The following LAMA2 variants were observed in gnomAD, a reference collection of about 807,000 sequenced individuals.
LAMA2 encodes the protein laminin subunit alpha 2.
Under a neutral mutation model 364.8 loss-of-function variants are expected in LAMA2, and 269 were observed. That is an observed-to-expected ratio of 0.74 (90% CI 0.67 to 0.82). LAMA2 has a LOEUF of 0.82. Among genes scored for constraint, LAMA2 ranks in the 40% least tolerant of loss-of-function variants. The pLI is 0.00. For synonymous variants in LAMA2, 1,379 were observed against 1,370.6 expected, an observed-to-expected ratio of 1.01 and a Z score of -0.14; for missense variants, 3,807 against 3,873.2, an observed-to-expected ratio of 0.98 and a Z score of 0.45.
At position 129,221,795 on chromosome 6, in the gene LAMA2, A is replaced by T. The variant is rs139063403; in HGVS notation, c.1783-28317A>T. Among the ~76,000 whole-genome samples, 20 of 152,328 alleles carry T rather than the reference A, an allele frequency of 1.3e-4. No individual in the cohort carries two copies. In the East Asian group the frequency reaches 3.9e-3, roughly 29 times the overall value. ...CCCAGATAAACACATAAAAGTGTTC[A>T]TAAAAGTACTGTTTATATTAAGAAG... On this transcript the variant is annotated intron_variant, in intron 12 of 64. Transcript: ENST00000421865.
chr6:128,896,321 G>A (rs1003394616), intron 1 of LAMA2, among the ~76,000 whole-genome samples: 1 of 151,716 alleles, frequency 6.6e-6, no homozygotes, highest in African/African-American at 2.4e-5. Context: ...TTCTTTGTTA[G>A]GAGGTGTTCA....
intron 63 of LAMA2, among the ~76,000 whole-genome samples, chr6:129,513,052 G>T (rs1044938352): frequency 6.6e-6 from 1 of 152,176 alleles, no homozygotes. Context: ...ACCTCTTTCA[G>T]CCCTGCATTA....
At chr6:129,163,463 G>C (rs1477216081) in intron 8 of LAMA2, among the ~76,000 whole-genome samples, 1 of 152,030 alleles carries the variant, frequency 6.6e-6, no homozygotes, top group Non-Finnish European at 1.5e-5. Flanking sequence ...GTGAAACCCT[G>C]TCTCTATTAA....
chr6:129,504,299 A>C (rs539394404), intron 60 of LAMA2, among the ~76,000 whole-genome samples: 1 of 152,342 alleles, frequency 6.6e-6, no homozygotes, highest in South Asian at 2.1e-4. Context: ...TAGAATAATA[A>C]ATATGACATT....
intron 37 of LAMA2, among the ~76,000 whole-genome samples, chr6:129,395,219 ATTT>A: frequency 6.6e-6 from 1 of 152,204 alleles, no homozygotes. Context: ...CATTGCATCT[ATTT>A]GATTGAATAA....
intron 1 of LAMA2, among the ~76,000 whole-genome samples, chr6:128,906,575 T>C (rs1419824871): frequency 6.6e-6 from 1 of 150,862 alleles, no homozygotes; most frequent in East Asian, 1.9e-4. Flanking sequence ...TTTTCTCCCA[T>C]TTTGTAGGTT....
At chr6:129,106,777 T>A (rs986066241) in intron 4 of LAMA2, among the ~76,000 whole-genome samples, 1 of 151,442 alleles carries the variant, frequency 6.6e-6, no homozygotes, top group Non-Finnish European at 1.5e-5. Flanking sequence ...AAAATACATC[T>A]TTTTAATAAA....
intron 13 of LAMA2, among the ~76,000 whole-genome samples, chr6:129,250,792 G>A (rs1786123893): frequency 1.3e-5 from 2 of 151,928 alleles, no homozygotes; most frequent in African/African-American, 4.8e-5. Flanking sequence ...TTCCAATAAT[G>A]TATCTCCTCC....
intron 45 of LAMA2, among the ~76,000 whole-genome samples, chr6:129,446,500 A>AAGGGAAGGGGAGGAGAGGGGAGGGG (rs1782380263): frequency 9.8e-6 from 1 of 101,892 alleles, no homozygotes; most frequent in Admixed American, 1.2e-4. Flanking sequence ...GGAAGGAAGT[A>AAGGGAAGGGGAGGAGAGGGGAGGGG]AGGGAAGGGG....
chr6:129,402,499 G>C lies in LAMA2; in HGVS notation c.5726+12G>C. On this transcript the variant is annotated intron_variant, in intron 39 of 64. Coordinates refer to ENST00000421865, the MANE Select transcript of LAMA2 (RefSeq NM_000426.4). ...GCTGTCCTTGATGGGTATGTCATTT[G>C]TTTTTGGAAATGTTTGTGTATTTTG... 6.2e-7 allele frequency: 1 copy of C among 1,613,632 alleles called. No individual in the cohort carries two copies. The highest frequency in any genetic ancestry group is 1.1e-5 in the South Asian group (1 of 91,050).
At chr6:128,975,306 G>A in intron 1 of LAMA2, among the ~76,000 whole-genome samples, 1 of 152,284 alleles carries the variant, frequency 6.6e-6, no homozygotes, top group South Asian at 2.1e-4. Context: ...CAATTAACCT[G>A]AGATTTTTAA....
intron 11 of LAMA2, among the ~76,000 whole-genome samples, chr6:129,190,916 C>T (rs1243549934): frequency 6.6e-6 from 1 of 152,142 alleles, no homozygotes; most frequent in Non-Finnish European, 1.5e-5. Flanking sequence ...AATGTGTTTA[C>T]CTTTCTAACT....
intron 41 of LAMA2, among the ~76,000 whole-genome samples, chr6:129,431,706 T>C (rs1032108553): frequency 6.6e-5 from 10 of 152,178 alleles, no homozygotes; most frequent in African/African-American, 2.4e-4. Flanking sequence ...AATGAATCAG[T>C]GCATTGCTTG....
intron 1 of LAMA2, among the ~76,000 whole-genome samples, chr6:128,948,937 A>G (rs1055738221): frequency 1.4e-4 from 21 of 152,138 alleles, no homozygotes; most frequent in African/African-American, 4.8e-4. Context: ...TTTTCTTTAT[A>G]AATTACCCAG....
intron 55 of LAMA2, among the ~76,000 whole-genome samples, chr6:129,485,472 A>G (rs1429356423): frequency 6.6e-6 from 1 of 152,246 alleles, no homozygotes; most frequent in African/African-American, 2.4e-5. Flanking sequence ...GTTAAATAGT[A>G]TAAGTCTGTT....
intron 37 of LAMA2, among the ~76,000 whole-genome samples, chr6:129,397,075 C>T (rs1415781076): frequency 6.6e-6 from 1 of 151,004 alleles, no homozygotes; most frequent in Non-Finnish European, 1.5e-5. Flanking sequence ...GAATCTACCA[C>T]ACCAACACAC....
chr6:129,511,785 A>G (rs2114928400), intron 62 of LAMA2, among the ~76,000 whole-genome samples: 1 of 152,270 alleles, frequency 6.6e-6, no homozygotes, highest in Non-Finnish European at 1.5e-5. Context: ...AACTGGATGA[A>G]CAAGATAAGT....
chr6:129,167,601 G>A (rs1252732631), intron 9 of LAMA2, among the ~76,000 whole-genome samples: 2 of 151,940 alleles, frequency 1.3e-5, no homozygotes, highest in African/African-American at 4.8e-5. Flanking sequence ...TTGCTATTGT[G>A]GATAATGCCG....
intron 34 of LAMA2, among the ~76,000 whole-genome samples, chr6:129,377,354 A>G (rs1352314531): frequency 6.6e-6 from 1 of 152,028 alleles, no homozygotes; most frequent in Non-Finnish European, 1.5e-5. Flanking sequence ...TTCAACTGCT[A>G]ACAGTGTTTT....
Sources: gnomAD v4.1 joint callset for allele counts (sites outside exome capture counted in the v4.1 genomes callset) on GRCh38, gnomAD v4.1.1 for gene constraint, MANE v1.5 for transcripts, NCBI Gene and HGNC (gene_info 2026-07-23, HGNC 2026-07-21) for gene names.